NID2: variants seen among roughly 807,000 people sequenced by gnomAD.
The protein encoded by NID2 is nidogen 2, also known as nidogen-2.
A neutral mutation model predicts 145.4 loss-of-function variants in NID2; 83 were observed. That is an observed-to-expected ratio of 0.57 (90% CI 0.48 to 0.69). The LOEUF is 0.69. Among genes scored for constraint, NID2 ranks in the 30% least tolerant of loss-of-function variants. The pLI is 0.00. For synonymous variants in NID2, 739 were observed against 701.3 expected, an observed-to-expected ratio of 1.05 and a Z score of -0.85; for missense variants, 1,807 against 1,765.7, an observed-to-expected ratio of 1.02 and a Z score of -0.42.
intron 2 of NID2, among the ~76,000 whole-genome samples, chr14:52,061,690 C>T (rs1893024608): frequency 6.6e-6 from 1 of 152,186 alleles, no homozygotes; most frequent in Non-Finnish European, 1.5e-5. Flanking sequence ...CAATTCAACA[C>T]CCAGGTCCTT....
intron 3 of NID2, among the ~76,000 whole-genome samples, chr14:52,054,670 C>A (rs74948285): frequency 0.021 from 3,218 of 152,306 alleles, 38 homozygotes; most frequent in Middle Eastern, 0.041. Context: ...GTTGCAACCA[C>A]TGCACCCCAG....
chr14:52,011,958 TAATAC>T, intron 16 of NID2: 2 of 349,626 alleles, frequency 5.7e-6, no homozygotes, highest in Non-Finnish European at 1.1e-5. Context: ...CTATAAAAAT[TAATAC>T]TATAAGTGCT....
chr14:52,042,046 C>T, intron 7 of NID2, 59 bp downstream of exon 7: 1 of 1,526,016 alleles, frequency 6.6e-7, no homozygotes, highest in South Asian at 1.3e-5. Context: ...GACAGTGCCC[C>T]AAGGAGCACC....
At chr14:52,008,011 C>T in intron 18 of NID2, 44 bp from the exon 19 acceptor site, 1 of 1,526,706 alleles carries the variant, frequency 6.6e-7, no homozygotes, top group Middle Eastern at 1.7e-4. Flanking sequence ...GCCATGTAGC[C>T]TGTGGTAGGC....
chr14:52,068,010 T>A lies in NID2; in HGVS notation c.382A>T (p.Thr128Ser), dbSNP rs748578904. Residue 128 changes from threonine (T) to serine (S), a missense_variant, in exon 2 of 22, where the codon ACC (threonine) becomes TCC (serine). By Grantham distance (58) the Thr-to-Ser change is moderately conservative. Coordinates refer to ENST00000216286, the MANE Select transcript of NID2 (RefSeq NM_007361.4). ...GRGRVLYRED[T>S]SPAVLGLAAR... ...GCCAGGCCCAGCACTGCGGGGGAGG[T>A]GTCCTCTCGGTACAGGACTCGGCCT... is the stretch of plus-strand genomic sequence containing the variant. The A allele has an allele frequency of 1.3e-5, 21 of 1,611,942 alleles. No individual in the cohort carries two copies. The highest frequency in any genetic ancestry group is 2.7e-5 in the African/African-American group (2 of 74,754).
chr14:52,029,801 G>T (rs34357454), intron 9 of NID2, 111 bp from the exon 10 acceptor site: 62,854 of 862,026 alleles, frequency 0.073, 2,573 homozygotes, highest in Middle Eastern at 0.13. Context: ...GTGACACACC[G>T]GAAGACCTTA....
intron 2 of NID2, 26 bp from the exon 3 acceptor site, chr14:52,060,382 G>A (rs767835604): frequency 2.6e-4 from 245 of 930,940 alleles, no homozygotes; most frequent in East Asian, 8.9e-4. Context: ...AAAAAAAAGA[G>A]AGAGAGAGAG....
At chr14:52,022,185 G>A (rs1330219015) in intron 12 of NID2, among the ~76,000 whole-genome samples, 1 of 150,056 alleles carries the variant, frequency 6.7e-6, no homozygotes, top group Non-Finnish European at 1.5e-5. Context: ...AGAACCTTCA[G>A]CCTAAGAATT....
intron 2 of NID2, among the ~76,000 whole-genome samples, chr14:52,061,785 C>T (rs932483946): frequency 3.9e-5 from 6 of 152,188 alleles, no homozygotes; most frequent in African/African-American, 1.4e-4. Context: ...AGCGACCGCT[C>T]CTCCTAAAGA....
intron 16 of NID2, 140 bp from the exon 17 acceptor site, chr14:52,011,823 A>G (rs61971549): frequency 0.13 from 130,013 of 992,090 alleles, 9,417 homozygotes; most frequent in East Asian, 0.18. Context: ...GTAGCTGGAC[A>G]TGTGGGCACT....
At position 52,065,953 on chromosome 14, in the gene NID2, C is replaced by T. The variant is rs1049336609; in HGVS notation, c.534+1905G>A. On this transcript the variant is annotated intron_variant, in intron 2 of 21. Coordinates refer to ENST00000216286, the MANE Select transcript of NID2 (RefSeq NM_007361.4). ...AAGTCTTTGCTATTGTGAATAGTGCCGCAATAAACATACGTGTGCATGTGT... is the reference window on the plus strand; with the variant it reads ...AAGTCTTTGCTATTGTGAATAGTGCTGCAATAAACATACGTGTGCATGTGT... Among the ~76,000 whole-genome samples the T allele has an allele frequency of 2.6e-4, 38 of 147,548 alleles. 1 individual carries two copies. Among genetic ancestry groups the T allele is most frequent in the Admixed American group, 2.4e-3 (35 of 14,682 alleles).
At chr14:52,044,769 C>A (rs1370559036) in intron 5 of NID2, among the ~76,000 whole-genome samples, 3 of 151,972 alleles carry the variant, frequency 2.0e-5, no homozygotes, top group Non-Finnish European at 2.9e-5. Context: ...TGCATCACAC[C>A]TGCCTACTTT....
In NID2 at chr14:52,040,741, T is replaced by C; in HGVS notation, c.1936A>G (p.Thr646Ala). ...LDPENYLSIK[T>A]NIQGQVPYVS... ...TAAGGCACCTGGCCTTGAATGTTGG[T>C]CTTAATGCTCAGGTAGTTCTCTGGG... is the stretch of plus-strand genomic sequence containing the variant. The change falls in exon 8 of 22, where the codon ACC becomes GCC. Residue 646 changes from threonine (T) to alanine (A), a missense_variant. By Grantham distance (58) the Thr-to-Ala change is moderately conservative. Transcript: ENST00000216286. 1 of 1,614,170 alleles carries C rather than the reference T, an allele frequency of 6.2e-7. No individual in the cohort carries two copies. Among genetic ancestry groups the C allele is most frequent in the Non-Finnish European group, 8.5e-7 (1 of 1,180,020 alleles).
chr14:52,029,098 C>T (rs1002840761), intron 10 of NID2, among the ~76,000 whole-genome samples: 3 of 152,132 alleles, frequency 2.0e-5, no homozygotes, highest in Non-Finnish European at 2.9e-5. Context: ...AATTCTTTAA[C>T]TGTTTTAAAA....
chr14:52,019,351 A>G, intron 13 of NID2, 57 bp from the exon 14 acceptor site: 2 of 1,391,372 alleles, frequency 1.4e-6, no homozygotes, highest in Non-Finnish European at 1.9e-6. Context: ...ATTGCAACCC[A>G]TCCACTTCAC....
intron 18 of NID2, chr14:52,010,322 A>G (rs1373735838): frequency 6.6e-6 from 1 of 152,280 alleles, no homozygotes; most frequent in South Asian, 2.1e-4. Context: ...CCCTGATTGT[A>G]ACAAGTACTG....
In NID2 at chr14:52,019,147, CAGA is replaced by C; in HGVS notation, c.2939_2941del (p.Phe980del). 1 of 1,614,120 alleles carries C rather than the reference CAGA, an allele frequency of 6.2e-7. No individual in the cohort carries two copies. The highest frequency in any genetic ancestry group is 8.5e-7 in the Non-Finnish European group (1 of 1,180,018). ...ATGACCATCAGGGTCCACGCACCAG[CAGA>C]AACCAGTGCTGCCATGACACTGTAG... On this transcript the variant is annotated inframe_deletion, in exon 14 of 22. Transcript: ENST00000216286.
At chr14:52,008,006 G>T (rs771636287) in intron 18 of NID2, 39 bp from the exon 19 acceptor site, 1 of 1,538,992 alleles carries the variant, frequency 6.5e-7, no homozygotes. Flanking sequence ...GAATAGCCAT[G>T]TAGCCTGTGG....
intron 5 of NID2, among the ~76,000 whole-genome samples, chr14:52,051,429 G>C (rs1892676219): frequency 6.6e-6 from 1 of 152,188 alleles, no homozygotes. Context: ...CCACATAGCA[G>C]AGCTGGGAGT....
Sources: gnomAD v4.1 joint callset for allele counts (sites outside exome capture counted in the v4.1 genomes callset) on GRCh38, gnomAD v4.1.1 for gene constraint, MANE v1.5 for transcripts, NCBI Gene and HGNC (gene_info 2026-07-23, HGNC 2026-07-21) for gene names.